The following TTC17 variants were observed in gnomAD, a reference collection of about 807,000 sequenced individuals.
TTC17 encodes the protein tetratricopeptide repeat protein 17.
Under a neutral mutation model 143.8 loss-of-function variants are expected in TTC17, and 58 were observed. The observed-to-expected ratio is 0.40, with a 90% confidence interval of 0.33 to 0.50. The LOEUF is 0.50. Ranked by LOEUF, TTC17 falls within the 20% of genes least tolerant of loss-of-function variation. The pLI is 0.49. For synonymous variants in TTC17, 501 were observed against 497.8 expected (o/e 1.01, Z -0.09); for missense variants, 1,273 against 1,392.5 (o/e 0.91, Z 1.37).
rs1857242379 is a variant in TTC17 at position 43,388,302 on chromosome 11, T to C, written c.250-1350T>C. 3.3e-5 allele frequency among the ~76,000 whole-genome samples: 5 copies of C among 152,186 alleles called. No individual in the cohort carries two copies. The South Asian group carries it at 1.0e-3, about 31-fold the overall frequency. ...ATACATACTTTTTTTAAGTTGTAGA[T>C]ACATTAAGTATGATACCATTTATAT... On this transcript the variant is annotated intron_variant, in intron 2 of 23. Transcript: ENST00000039989.
chr11:43,369,152 A>G (rs781591288), intron 1 of TTC17, among the ~76,000 whole-genome samples: 9 of 152,136 alleles, frequency 5.9e-5, no homozygotes, highest in Non-Finnish European at 1.2e-4. Context: ...TTTATTAATT[A>G]TGTTATTTGT....
chr11:43,446,199 C>T, intron 18 of TTC17: 1 of 1,288,306 alleles, frequency 7.8e-7, no homozygotes, highest in Non-Finnish European at 9.9e-7. Flanking sequence ...CATGCTATTC[C>T]CTCTGCCTGG....
chr11:43,375,678 A>G (rs918578583), intron 1 of TTC17, among the ~76,000 whole-genome samples: 2 of 150,798 alleles, frequency 1.3e-5, no homozygotes, highest in Non-Finnish European at 2.9e-5. Flanking sequence ...TTCAGTATAT[A>G]TGAAGAATAA....
intron 5 of TTC17, among the ~76,000 whole-genome samples, chr11:43,393,128 G>A (rs185101921): frequency 2.6e-5 from 4 of 152,064 alleles, no homozygotes. Context: ...TAGTTCTCCC[G>A]ACATCAACTA....
chr11:43,458,235 C>T (rs1947800590), intron 21 of TTC17, among the ~76,000 whole-genome samples: 1 of 152,068 alleles, frequency 6.6e-6, no homozygotes, highest in African/African-American at 2.4e-5. Flanking sequence ...ATGTTTGGTG[C>T]CTCTGGGGAA....
At chr11:43,397,941 T>C in intron 7 of TTC17, 33 bp from the exon 8 acceptor site, 1 of 1,593,604 alleles carries the variant, frequency 6.3e-7, no homozygotes, top group Non-Finnish European at 8.5e-7. Context: ...TGTGTGTGTG[T>C]GTGTGTGTGT....
At chr11:43,427,458 A>G (rs569529131) in intron 16 of TTC17, among the ~76,000 whole-genome samples, 1 of 152,346 alleles carries the variant, frequency 6.6e-6, no homozygotes, top group African/African-American at 2.4e-5. Context: ...AAATCTTGGT[A>G]CCAAATGATG....
chr11:43,407,847 T>A (rs1473069277), intron 15 of TTC17, among the ~76,000 whole-genome samples: 1 of 152,012 alleles, frequency 6.6e-6, no homozygotes, highest in East Asian at 1.9e-4. Flanking sequence ...TGTAAAAATA[T>A]ACTGCCGCTT....
chr11:43,415,469 A>C (rs560020977), intron 16 of TTC17, among the ~76,000 whole-genome samples: 1 of 152,296 alleles, frequency 6.6e-6, no homozygotes, highest in Admixed American at 6.5e-5. Flanking sequence ...TTGAATTGGG[A>C]TGGGTGCAGT....
chr11:43,369,472 T>C (rs1235029556), intron 1 of TTC17, among the ~76,000 whole-genome samples: 2 of 152,180 alleles, frequency 1.3e-5, no homozygotes, highest in Admixed American at 6.5e-5. Flanking sequence ...GGTAAAACTT[T>C]AGAAAACAGG....
intron 21 of TTC17, among the ~76,000 whole-genome samples, chr11:43,468,572 T>C (rs917732796): frequency 6.6e-6 from 1 of 152,136 alleles, no homozygotes; most frequent in Non-Finnish European, 1.5e-5. Flanking sequence ...TTTAAGTTCT[T>C]GGTGTAGGCA....
intron 2 of TTC17, among the ~76,000 whole-genome samples, chr11:43,382,235 G>A (rs1856997777): frequency 6.6e-6 from 1 of 152,090 alleles, no homozygotes; most frequent in Admixed American, 6.6e-5. Flanking sequence ...ACATACAAAA[G>A]CAGTACTAAC....
intron 1 of TTC17, among the ~76,000 whole-genome samples, chr11:43,372,919 A>G (rs1428661717): frequency 1.3e-5 from 2 of 152,222 alleles, no homozygotes; most frequent in Non-Finnish European, 2.9e-5. Flanking sequence ...GTCTGTATTT[A>G]CTGGGAAGTC....
At chr11:43,365,685 G>A (rs1856309428) in intron 1 of TTC17, among the ~76,000 whole-genome samples, 2 of 152,194 alleles carry the variant, frequency 1.3e-5, no homozygotes, top group South Asian at 4.1e-4. Flanking sequence ...AAATAATTGG[G>A]GAATTGGGAG....
At position 43,429,840 on chromosome 11, in the gene TTC17, G is replaced by A. The variant is rs1460081935; in HGVS notation, c.2252-13485G>A. On this transcript the variant is annotated intron_variant, in intron 16 of 23. Coordinates refer to ENST00000039989, the MANE Select transcript of TTC17 (RefSeq NM_018259.6). ...CATAGGTACTTTAATTGAATATATC[G>A]GAATGCTTCCTGTAGGGTAACCTTT... 8.5e-5 allele frequency among the ~76,000 whole-genome samples: 13 copies of A among 152,212 alleles called. No individual in the cohort carries two copies. In the South Asian group the frequency reaches 1.0e-3, roughly 12 times the overall value.
rs1343490760 is a variant in TTC17 at position 43,401,501 on chromosome 11, G to T, written c.1275G>T (p.Trp425Cys). The T allele has an allele frequency of 1.2e-6, 2 of 1,613,654 alleles. No individual in the cohort carries two copies. Among genetic ancestry groups the T allele is most frequent in the East Asian group, 2.2e-5 (1 of 44,858 alleles). ...VNQQHSLHCQ[W>C]DQPVRYHRGD... ...AGCAGCATAGTTTACATTGCCAGTG[G>T]GACCAGCCTGTACGCTATCATCGTG... Residue 425 changes from tryptophan (W) to cysteine (C), a missense_variant, in exon 10 of 24, where the codon TGG becomes TGT. Around this residue, in one of 3 missense-constraint regions of TTC17, gnomAD observed 878 missense variants for 899.8 expected, o/e 0.98. Coordinates refer to ENST00000039989, the MANE Select transcript of TTC17 (RefSeq NM_018259.6).
chr11:43,449,992 T>C, intron 19 of TTC17, 90 bp from the exon 20 acceptor site: 1 of 1,392,286 alleles, frequency 7.2e-7, no homozygotes. Flanking sequence ...TTGTTAATGC[T>C]GTCTCTCCTT....
intron 21 of TTC17, among the ~76,000 whole-genome samples, chr11:43,485,668 GAT>G (rs1406941861): frequency 2.0e-5 from 3 of 152,036 alleles, no homozygotes; most frequent in Non-Finnish European, 4.4e-5. Flanking sequence ...TCACAGAAGT[GAT>G]ATGTGTGATG....
intron 16 of TTC17, chr11:43,436,191 A>G (rs778195299): frequency 2.6e-5 from 38 of 1,437,922 alleles, no homozygotes; most frequent in Non-Finnish European, 3.2e-5. Context: ...ACCCTGGACA[A>G]CAGCCATGAC....
Sources: allele counts gnomAD v4.1 joint callset (sites outside exome capture counted in the v4.1 genomes callset), GRCh38; gene constraint gnomAD v4.1.1; regional missense constraint gnomAD v4.1.1; transcripts MANE v1.5; gene names NCBI Gene and HGNC (gene_info 2026-07-23, HGNC 2026-07-21).